Variants in FAM193A observed in about 807,000 individuals in gnomAD.
FAM193A encodes the protein family with sequence similarity 193 member A.
In FAM193A, 22 loss-of-function variants were observed where a neutral mutation model predicts 126.5. That is an observed-to-expected ratio of 0.17 (90% CI 0.12 to 0.25). The LOEUF (loss-of-function observed/expected upper bound fraction) is 0.25, where lower values mean the gene tolerates loss of function less well. Among genes scored for constraint, FAM193A ranks in the 10% least tolerant of loss-of-function variants. The pLI is 1.00. For missense variants in FAM193A, 1,675 were observed against 1,672.8 expected (o/e 1.00, Z -0.02); for synonymous variants, 761 against 646.8 (o/e 1.18, Z -2.68).
chr4:2,550,299 G>A (rs1737832486), intron 1 of FAM193A, among the ~76,000 whole-genome samples: 1 of 151,968 alleles, frequency 6.6e-6, no homozygotes, highest in African/African-American at 2.4e-5. Flanking sequence ...ACCTGCCTTG[G>A]CCTCTCAAAG....
chr4:2,672,829 G>C (rs1034004698), intron 13 of FAM193A, among the ~76,000 whole-genome samples: 2 of 152,116 alleles, frequency 1.3e-5, no homozygotes, highest in African/African-American at 4.8e-5. Context: ...AGAAATACAC[G>C]AGCCTAAATA....
intron 2 of FAM193A, among the ~76,000 whole-genome samples, chr4:2,608,370 G>A (rs774000550): frequency 6.6e-6 from 1 of 151,922 alleles, no homozygotes; most frequent in Non-Finnish European, 1.5e-5. Flanking sequence ...ATATAGACGG[G>A]GTTTTGCCAT....
chr4:2,731,620 A>AGG (rs1441970885), intron 20 of FAM193A, among the ~76,000 whole-genome samples, 155 bp from the exon 21 acceptor site: 4 of 151,630 alleles, frequency 2.6e-5, no homozygotes, highest in Non-Finnish European at 5.9e-5. Context: ...CAGGGCCTGG[A>AGG]GGGGACCCTT....
intron 2 of FAM193A, chr4:2,608,125 G>A: frequency 6.2e-7 from 1 of 1,606,232 alleles, no homozygotes; most frequent in Non-Finnish European, 8.5e-7. Flanking sequence ...ATATCTCCTT[G>A]TAGATTGATC....
chr4:2,646,105 ATGT>A (rs1266285155), intron 6 of FAM193A, among the ~76,000 whole-genome samples: 3 of 147,364 alleles, frequency 2.0e-5, no homozygotes, highest in Admixed American at 6.8e-5. Context: ...CTTTAGAGAC[ATGT>A]TGTTCAGTGC....
intron 1 of FAM193A, among the ~76,000 whole-genome samples, chr4:2,591,161 C>CGCAGTTGTCTTGT (rs957321680): frequency 4.6e-5 from 7 of 151,970 alleles, no homozygotes; most frequent in Non-Finnish European, 7.4e-5. Context: ...AGGGATGCCT[C>CGCAGTTGTCTTGT]GCAGTTGTCT....
rs375669055 is a variant in FAM193A, at chr4:2,646,778, C to T, written c.1257C>T (p.Val419=). 1.5e-5 allele frequency: 25 copies of T among 1,613,904 alleles called. No homozygotes were observed. The highest frequency in any genetic ancestry group is 8.0e-5 in the African/African-American group (6 of 74,926). ...YQRSEEELRR[V]AEEWLECQKR... is the part of the protein sequence containing the mutation. ...GTTCCGAGGAGGAGCTGCGCAGAGT[C>T]GCCGAGGAGTGGCTGGAGTGCCAGA... The change falls in exon 7 of 21, where the codon GTC becomes GTT. Residue 419 remains valine (V), a synonymous_variant. Transcript: ENST00000637812.
intron 20 of FAM193A, among the ~76,000 whole-genome samples, chr4:2,723,625 G>T (rs1394238309): frequency 6.6e-6 from 1 of 151,924 alleles, no homozygotes; most frequent in Middle Eastern, 3.2e-3. Flanking sequence ...TTTAAAATTT[G>T]ATTTTAGGAA....
Position 2,679,187 on chromosome 4 carries a change from G to T in FAM193A, c.2331+6815G>T, listed in dbSNP as rs549310902. Among the ~76,000 whole-genome samples, 7 of 152,134 alleles carry T rather than the reference G, an allele frequency of 4.6e-5. No individual in the cohort carries two copies. The South Asian group carries it at 1.5e-3, about 32-fold the overall frequency. On this transcript the variant is annotated intron_variant, in intron 13 of 20. Coordinates refer to ENST00000637812, the MANE Select transcript of FAM193A (RefSeq NM_001366318.2). ...TTGTGATGATCTTTGGCTTTTTCCA[G>T]TCTGTTAATGTGGCATATTAACATT...
intron 13 of FAM193A, among the ~76,000 whole-genome samples, chr4:2,672,591 A>G (rs1057341691): frequency 6.6e-6 from 1 of 152,270 alleles, no homozygotes; most frequent in African/African-American, 2.4e-5. Flanking sequence ...TGTGAAGGTC[A>G]TAGTTCTTTT....
intron 6 of FAM193A, among the ~76,000 whole-genome samples, chr4:2,641,937 TAAAAA>T (rs1015777590): frequency 5.5e-5 from 8 of 146,706 alleles, no homozygotes; most frequent in Non-Finnish European, 7.5e-5. Flanking sequence ...CCCCATCTCT[TAAAAA>T]AGAAAAAAAA....
At chr4:2,567,871 C>T (rs1421086555) in intron 1 of FAM193A, among the ~76,000 whole-genome samples, 1 of 152,234 alleles carries the variant, frequency 6.6e-6, no homozygotes, top group African/African-American at 2.4e-5. Context: ...TCAATCATCT[C>T]TCCAGGTGGG....
At chr4:2,569,179 C>G (rs1739147962) in intron 1 of FAM193A, among the ~76,000 whole-genome samples, 1 of 151,788 alleles carries the variant, frequency 6.6e-6, no homozygotes. Flanking sequence ...CCATGTTGGC[C>G]AGGCTGATCT....
At chr4:2,725,716 T>C in intron 20 of FAM193A, among the ~76,000 whole-genome samples, 1 of 150,596 alleles carries the variant, frequency 6.6e-6, no homozygotes, top group African/African-American at 2.4e-5. Flanking sequence ...TTGACAACTT[T>C]TTTTTTTTTT....
intron 1 of FAM193A, among the ~76,000 whole-genome samples, chr4:2,553,404 C>T (rs1341711970): frequency 4.9e-5 from 6 of 121,796 alleles, no homozygotes; most frequent in East Asian, 2.4e-4. Context: ...TTTTTTGAGG[C>T]GGAGTCTCAC....
intron 13 of FAM193A, among the ~76,000 whole-genome samples, chr4:2,679,352 G>T (rs966504235): frequency 2.0e-5 from 3 of 149,758 alleles, no homozygotes; most frequent in Non-Finnish European, 4.4e-5. Flanking sequence ...GTTCACAAGC[G>T]ATACTCGTTT....
chr4:2,706,037 C>T (rs916009244), intron 19 of FAM193A, among the ~76,000 whole-genome samples: 6 of 152,118 alleles, frequency 3.9e-5, no homozygotes, highest in African/African-American at 1.4e-4. Context: ...GAGACCCCAT[C>T]TCTACAGATA....
At chr4:2,586,124 T>G (rs955410669) in intron 1 of FAM193A, among the ~76,000 whole-genome samples, 1 of 151,772 alleles carries the variant, frequency 6.6e-6, no homozygotes, top group Non-Finnish European at 1.5e-5. Flanking sequence ...ATGCCAGTAA[T>G]CCTAGCTACT....
chr4:2,693,627 T>G lies in FAM193A; in HGVS notation c.2845T>G (p.Ser949Ala). The G allele has an allele frequency of 6.2e-7, 1 of 1,613,938 alleles. No individual in the cohort carries two copies. Among genetic ancestry groups the G allele is most frequent in the Non-Finnish European group, 8.5e-7 (1 of 1,179,932 alleles). Residue 949 changes from serine (S) to alanine (A), a missense_variant, in exon 16 of 21, where the codon TCG (serine) becomes GCG (alanine). Ser to Ala is a moderately conservative substitution (Grantham distance 99). This residue lies in a region of FAM193A where 1,186 missense variants were observed against 1,109.2 expected (regional missense o/e 1.07). Coordinates refer to ENST00000637812, the MANE Select transcript of FAM193A (RefSeq NM_001366318.2). ...CATCAGCAAGGAGGACCACAGACAC[T>G]CGGCCCCAGCCGCCCCGAGGAATAG... ...HGISKEDHRH[S>A]APAAPRNSPT... is the part of the protein sequence containing the mutation.
Sources: gnomAD v4.1 joint callset for allele counts (sites outside exome capture counted in the v4.1 genomes callset) on GRCh38, gnomAD v4.1.1 for gene constraint, gnomAD v4.1.1 regional missense constraint, MANE v1.5 for transcripts, NCBI Gene and HGNC (gene_info 2026-07-23, HGNC 2026-07-21) for gene names.